GABBR2: variants seen among roughly 807,000 people sequenced by gnomAD.
The protein encoded by GABBR2 is G-protein coupled receptor 51.
GABBR2 carries 23 observed loss-of-function variants against 105.6 expected under a neutral mutation model. The observed-to-expected ratio is 0.22, with a 90% CI of 0.16 to 0.31. GABBR2 has a LOEUF of 0.31. GABBR2 is among the 10% of genes least tolerant of loss of function. The pLI is 1.00. For synonymous variants in GABBR2, 478 were observed against 499.7 expected (o/e 0.96, Z 0.58); for missense variants, 734 against 1,245.5 (o/e 0.59, Z 6.18).
At chr9:98,629,622 C>T (rs192890499) in intron 1 of GABBR2, among the ~76,000 whole-genome samples, 2 of 152,316 alleles carry the variant, frequency 1.3e-5, no homozygotes, top group East Asian at 1.9e-4. Context: ...TTGGGGTCAC[C>T]CCTTCCCCAT....
chr9:98,455,097 C>T (rs1256408186), intron 6 of GABBR2, among the ~76,000 whole-genome samples: 1 of 152,204 alleles, frequency 6.6e-6, no homozygotes, highest in Non-Finnish European at 1.5e-5. Flanking sequence ...ATCCATCCCT[C>T]CTGCTATTCC....
chr9:98,507,312 G>A (rs57879948), intron 3 of GABBR2, among the ~76,000 whole-genome samples: 48,201 of 151,886 alleles, frequency 0.32, 7,886 homozygotes, highest in African/African-American at 0.34. Context: ...TGATCCCAAG[G>A]GTCTTTATAA....
At chr9:98,412,859 T>C (rs1336869144) in intron 7 of GABBR2, among the ~76,000 whole-genome samples, 1 of 152,220 alleles carries the variant, frequency 6.6e-6, no homozygotes, top group Admixed American at 6.5e-5. Context: ...AAGAAGAACC[T>C]AGACAGACAG....
chr9:98,609,325 G>A lies in GABBR2; in HGVS notation c.322-31253C>T, dbSNP rs553550257. Among the ~76,000 whole-genome samples the A allele has an allele frequency of 8.5e-4, 130 of 152,254 alleles. 1 individual carries two copies. The highest frequency in any genetic ancestry group is 3.0e-3 in the African/African-American group (123 of 41,554). On this transcript the variant is annotated intron_variant, in intron 1 of 18. Transcript: ENST00000259455. ...TGCCCTACATCACAGTCATCTTGCA[G>A]TTGGCATTTCCCAAGCAGAATTTAT... is the stretch of plus-strand genomic sequence containing the variant.
At chr9:98,384,967 T>C (rs1322898439) in intron 11 of GABBR2, among the ~76,000 whole-genome samples, 1 of 152,166 alleles carries the variant, frequency 6.6e-6, no homozygotes, top group Non-Finnish European at 1.5e-5. Flanking sequence ...ACCACTTAAA[T>C]AGAAAATAAC....
Position 98,293,849 on chromosome 9 carries a change from A to T in GABBR2, c.2596T>A (p.Trp866Arg), listed in dbSNP as rs1473671543. ...NHLDQNPQLQ[W>R]NTTEPSRTCK... ...GTTCGAGAGGGCTCTGTTGTGTTCC[A>T]CTGTAGCTGGGGATTTTGATCGAGG... The change falls in exon 18 of 19, where the codon TGG becomes AGG. Residue 866 changes from tryptophan to arginine, a missense_variant. Coordinates refer to ENST00000259455, the MANE Select transcript of GABBR2 (RefSeq NM_005458.8). 6.2e-7 allele frequency: 1 copy of T among 1,613,334 alleles called. No homozygotes were observed. Among genetic ancestry groups the T allele is most frequent in the East Asian group, 2.2e-5 (1 of 44,890 alleles).
chr9:98,360,645 G>C (rs777815925), intron 13 of GABBR2, among the ~76,000 whole-genome samples: 5 of 152,210 alleles, frequency 3.3e-5, no homozygotes, highest in Non-Finnish European at 7.3e-5. Context: ...TCTATGCACA[G>C]AGCCATTGAT....
chr9:98,685,805 A>C (rs1365105913), intron 1 of GABBR2, among the ~76,000 whole-genome samples: 1 of 152,006 alleles, frequency 6.6e-6, no homozygotes, highest in Non-Finnish European at 1.5e-5. Flanking sequence ...AGATCCTCCT[A>C]CGTCAGCCTC....
In GABBR2 at chr9:98,290,691, T is replaced by C. The variant is rs1307135354; in HGVS notation, c.2719A>G (p.Ile907Val). 1.4e-6 allele frequency: 2 copies of C among 1,481,144 alleles called. No homozygotes were observed. The highest frequency in any genetic ancestry group is 1.8e-6 in the Non-Finnish European group (2 of 1,126,746). The allele number at this position is 1,481,144 out of a possible 1,614,324, so 91.8% of individuals were successfully genotyped here. ...PILHHAYLPS[I>V]GGVDASCVSP... Reference sequence around the variant, plus strand: ...ACACAGCTGGCGTCCACGCCTCCGATGGATGGGAGGTAGGCGTGGTGGAGG... The same window carrying C: ...ACACAGCTGGCGTCCACGCCTCCGACGGATGGGAGGTAGGCGTGGTGGAGG... The change falls in exon 19 of 19, where the codon ATC becomes GTC. Residue 907 changes from isoleucine to valine, a missense_variant. By Grantham distance (29) the Ile-to-Val change is conservative (BLOSUM62 3). This residue lies in a region of GABBR2 where 134 missense variants were observed against 171.2 expected (regional missense o/e 0.78). Coordinates refer to ENST00000259455, the MANE Select transcript of GABBR2 (RefSeq NM_005458.8).
intron 12 of GABBR2, 78 bp from the exon 13 acceptor site, chr9:98,362,915 G>A: frequency 7.8e-7 from 1 of 1,286,130 alleles, no homozygotes; most frequent in East Asian, 2.7e-5. Context: ...CCAGGTCATA[G>A]GGGGAACCTG....
chr9:98,669,113 G>A (rs183679502), intron 1 of GABBR2, among the ~76,000 whole-genome samples: 34 of 152,166 alleles, frequency 2.2e-4, no homozygotes, highest in Non-Finnish European at 4.1e-4. Context: ...ATTTTTTGAG[G>A]AACTGCCATA....
chr9:98,473,660 C>A lies in GABBR2; in HGVS notation c.799-314G>T, dbSNP rs193255434. Among the ~76,000 whole-genome samples, 535 of 152,252 alleles carry A rather than the reference C, an allele frequency of 3.5e-3. 1 individual carries two copies. The highest frequency in any genetic ancestry group is 0.01 in the Middle Eastern group (3 of 294). ...TTCTAACCATATTCATCATTAGCTG[C>A]AAATTTCACCATGAACTTCCCAGCA... On this transcript the variant is annotated intron_variant, in intron 5 of 18. Coordinates refer to ENST00000259455, the MANE Select transcript of GABBR2 (RefSeq NM_005458.8).
At chr9:98,449,925 G>A (rs928028852) in intron 7 of GABBR2, among the ~76,000 whole-genome samples, 1 of 152,154 alleles carries the variant, frequency 6.6e-6, no homozygotes, top group Non-Finnish European at 1.5e-5. Flanking sequence ...TCCCTGAGGA[G>A]AGTCACTGGG....
chr9:98,405,613 A>AT (rs891878148), intron 8 of GABBR2, among the ~76,000 whole-genome samples: 1 of 152,116 alleles, frequency 6.6e-6, no homozygotes, highest in African/African-American at 2.4e-5. Flanking sequence ...GGATTCCAAA[A>AT]TCCCCCAACG....
In GABBR2 at chr9:98,653,742, CAT is replaced by C. The variant is rs1008374367; in HGVS notation, c.321+54673_321+54674del. ...CAGCACACACACACACACACACACA[CAT>C]ATGCACACCCACACACACAAACACA... On this transcript the variant is annotated intron_variant, in intron 1 of 18. Transcript: ENST00000259455. Among the ~76,000 whole-genome samples the C allele has an allele frequency of 2.1e-4, 30 of 141,662 alleles. No homozygotes were observed. In the East Asian group the frequency reaches 5.5e-3, roughly 26 times the overall value. 92.9% of individuals were successfully genotyped at this position (141,662 alleles called of 152,430 possible).
At position 98,299,298 on chromosome 9, in the gene GABBR2, G is replaced by T. The variant is rs753265829; in HGVS notation, c.2468C>A (p.Thr823Asn). The change falls in exon 17 of 19, where the codon ACC (threonine) becomes AAC (asparagine). Residue 823 changes from threonine (T) to asparagine (N), a missense_variant. By Grantham distance (65) the Thr-to-Asn change is moderately conservative (BLOSUM62 0). Transcript: ENST00000259455. ...GTAGTGGTTCTGTTTAATGTAGGTG[G>T]TCTTTTCTGGTGTGTCCTGCAGCTG... The part of the protein sequence containing the change: ...TMQLQDTPEK[T>N]TYIKQNHYQE... The T allele has an allele frequency of 1.9e-6, 3 of 1,613,678 alleles. No homozygotes were observed. The East Asian group carries it at 6.7e-5, about 36-fold the overall frequency.
chr9:98,638,434 C>A (rs529727384), intron 1 of GABBR2, among the ~76,000 whole-genome samples: 1 of 152,270 alleles, frequency 6.6e-6, no homozygotes, highest in South Asian at 2.1e-4. Context: ...GGGCTGGAAC[C>A]CAGTGCCCAG....
At chr9:98,578,919 A>G (rs1489477181) in intron 1 of GABBR2, among the ~76,000 whole-genome samples, 3 of 152,198 alleles carry the variant, frequency 2.0e-5, no homozygotes, top group East Asian at 3.8e-4. Context: ...AAATTCATAG[A>G]GAAAGAAAGT....
intron 14 of GABBR2, among the ~76,000 whole-genome samples, chr9:98,310,128 A>G (rs141945916): frequency 6.6e-6 from 1 of 152,350 alleles, no homozygotes; most frequent in East Asian, 1.9e-4. Flanking sequence ...CAGTGGAAGC[A>G]TGGTTTATAT....
Sources: gnomAD v4.1 joint callset for allele counts (sites outside exome capture counted in the v4.1 genomes callset) on GRCh38, gnomAD v4.1.1 for gene constraint, gnomAD v4.1.1 regional missense constraint, MANE v1.5 for transcripts, NCBI Gene and HGNC (gene_info 2026-07-23, HGNC 2026-07-21) for gene names.